Variants in HSDL2 observed in about 807,000 individuals in gnomAD.
HSDL2 encodes hydroxysteroid dehydrogenase-like protein 2.
HSDL2 carries 27 observed loss-of-function variants against 46.3 expected under a neutral mutation model. The ratio of observed to expected loss-of-function variants is 0.58; its 90% CI spans 0.43 to 0.80. The LOEUF is 0.80. HSDL2 is among the 30% of genes least tolerant of loss of function. The probability of loss-of-function intolerance (pLI) is 0.00; values close to 1 mark genes in which losing one functional copy is unlikely to be tolerated. For missense variants in HSDL2, 451 were observed against 502.7 expected, an observed-to-expected ratio of 0.90 and a Z score of 0.98; for synonymous variants, 153 against 163.6, an observed-to-expected ratio of 0.94 and a Z score of 0.50.
At chr9:112,419,802 A>C (rs918377147) in intron 6 of HSDL2, among the ~76,000 whole-genome samples, 1 of 152,098 alleles carries the variant, frequency 6.6e-6, no homozygotes. Flanking sequence ...TTGGTGTGCA[A>C]ATTTACAGTT....
intron 6 of HSDL2, among the ~76,000 whole-genome samples, chr9:112,419,296 G>T (rs1214647155): frequency 6.6e-6 from 1 of 152,104 alleles, no homozygotes; most frequent in Non-Finnish European, 1.5e-5. Context: ...GAGCCACCAC[G>T]CCCGGCCTGT....
At chr9:112,424,161 A>T (rs941992632) in intron 6 of HSDL2, among the ~76,000 whole-genome samples, 5 of 151,800 alleles carry the variant, frequency 3.3e-5, no homozygotes, top group Non-Finnish European at 5.9e-5. Context: ...TCTACTAAAA[A>T]TACAGAAAAA....
intron 9 of HSDL2, among the ~76,000 whole-genome samples, chr9:112,458,188 C>T (rs1398032885): frequency 6.6e-6 from 1 of 152,082 alleles, no homozygotes; most frequent in African/African-American, 2.4e-5. Context: ...GAAATACTTT[C>T]CCTCTACCCT....
chr9:112,451,214 TG>T (rs1832879172), intron 8 of HSDL2, among the ~76,000 whole-genome samples: 1 of 152,026 alleles, frequency 6.6e-6, no homozygotes, highest in Admixed American at 6.6e-5. Flanking sequence ...AGATAAATAT[TG>T]GAATTCATAG....
chr9:112,419,781 T>C (rs1832078727), intron 6 of HSDL2, among the ~76,000 whole-genome samples: 2 of 152,194 alleles, frequency 1.3e-5, no homozygotes, highest in African/African-American at 4.8e-5. Context: ...AGAACCTGTG[T>C]ATGCCTGGGC....
intron 6 of HSDL2, among the ~76,000 whole-genome samples, chr9:112,423,865 C>T (rs1456506945): frequency 6.6e-6 from 1 of 151,740 alleles, no homozygotes; most frequent in African/African-American, 2.4e-5. Context: ...AGGCACTCGC[C>T]CCCACGCCCA....
At chr9:112,428,131 T>C (rs963670742) in intron 6 of HSDL2, among the ~76,000 whole-genome samples, 4 of 152,046 alleles carry the variant, frequency 2.6e-5, no homozygotes, top group African/African-American at 9.7e-5. Context: ...GTGTAGACGA[T>C]GGGAAACAAA....
intron 1 of HSDL2, among the ~76,000 whole-genome samples, chr9:112,392,515 C>T (rs1831368413): frequency 1.3e-5 from 2 of 152,098 alleles, no homozygotes; most frequent in African/African-American, 4.8e-5. Flanking sequence ...GATAGACCTG[C>T]CCCCAGGAAT....
At chr9:112,418,670 TATGTATATGCATATATATACAC>T (rs956676502) in intron 5 of HSDL2, among the ~76,000 whole-genome samples, 168 bp from the exon 6 acceptor site, 14 of 152,010 alleles carry the variant, frequency 9.2e-5, no homozygotes, top group African/African-American at 3.4e-4. Context: ...GGGTGTGTTG[TATGTATATGCATATATATACAC>T]ATGTATATGT....
At chr9:112,446,271 A>C (rs1324306687) in intron 8 of HSDL2, among the ~76,000 whole-genome samples, 2 of 152,144 alleles carry the variant, frequency 1.3e-5, no homozygotes, top group African/African-American at 4.8e-5. Flanking sequence ...CTGTTGGGCA[A>C]ATAGCTCAGG....
At chr9:112,414,311 A>T (rs556619024) in intron 4 of HSDL2, among the ~76,000 whole-genome samples, 3 of 152,328 alleles carry the variant, frequency 2.0e-5, no homozygotes, top group African/African-American at 7.2e-5. Context: ...AACTCACTTT[A>T]TTCATTTACT....
intron 10 of HSDL2, among the ~76,000 whole-genome samples, chr9:112,463,511 TCAC>T (rs1435510032): frequency 3.3e-5 from 5 of 152,236 alleles, no homozygotes; most frequent in African/African-American, 1.2e-4. Context: ...CTCTACCTAT[TCAC>T]CAACACTTGT....
intron 4 of HSDL2, among the ~76,000 whole-genome samples, chr9:112,409,299 C>T (rs937978868): frequency 1.3e-5 from 2 of 152,138 alleles, no homozygotes; most frequent in South Asian, 2.1e-4. Flanking sequence ...AAGCGATTCT[C>T]CTGCCTCAGC....
intron 10 of HSDL2, among the ~76,000 whole-genome samples, chr9:112,468,233 A>T (rs1833450243): frequency 6.6e-6 from 1 of 152,136 alleles, no homozygotes; most frequent in Non-Finnish European, 1.5e-5. Context: ...GTAGTCTGAT[A>T]TTTCACAGTG....
chr9:112,409,971 G>A (rs532147935), intron 4 of HSDL2, among the ~76,000 whole-genome samples: 19 of 151,406 alleles, frequency 1.3e-4, no homozygotes, highest in African/African-American at 4.1e-4. Flanking sequence ...GGACTATTTA[G>A]GATTACTGAA....
At chr9:112,436,960 C>CTTTTTTTTTTTTTTTTTTT (rs780957603) in intron 6 of HSDL2, among the ~76,000 whole-genome samples, 9 of 126,776 alleles carry the variant, frequency 7.1e-5, no homozygotes, top group South Asian at 5.0e-4. Flanking sequence ...TTCTTTTTTT[C>CTTTTTTTTTTTTTTTTTTT]TTTTTTTTTT....
At chr9:112,381,088 T>TACACACAC (rs111459650) in intron 1 of HSDL2, among the ~76,000 whole-genome samples, 15,167 of 134,116 alleles carry the variant, frequency 0.11, 851 homozygotes, top group East Asian at 0.16. Context: ...TACATCCGGA[T>TACACACAC]ACACACACAC....
intron 6 of HSDL2, among the ~76,000 whole-genome samples, chr9:112,423,291 T>A (rs1832165857): frequency 6.6e-6 from 1 of 152,228 alleles, no homozygotes; most frequent in African/African-American, 2.4e-5. Flanking sequence ...CTACACTGTC[T>A]TCAAAACCTG....
chr9:112,416,803 A>T (rs1363039655), intron 4 of HSDL2, 38 bp from the exon 5 acceptor site: 3 of 983,570 alleles, frequency 3.1e-6, no homozygotes, highest in Non-Finnish European at 1.6e-6. Context: ...ATTGTTAGAA[A>T]GCTATTAAAT....
Sources: allele counts gnomAD v4.1 joint callset (sites outside exome capture counted in the v4.1 genomes callset), GRCh38; gene constraint gnomAD v4.1.1; transcripts MANE v1.5; gene names NCBI Gene and HGNC (gene_info 2026-07-23, HGNC 2026-07-21).